Variants in CRMP1 observed in about 807,000 individuals in gnomAD.
The protein encoded by CRMP1 is collapsin response mediator protein 1, also known as dihydropyrimidinase-related protein 1.
CRMP1 carries 19 observed loss-of-function variants against 68.3 expected under a neutral mutation model. The ratio of observed to expected loss-of-function variants is 0.28; its 90% CI spans 0.19 to 0.41. The LOEUF is 0.41. CRMP1 is among the 10% of genes least tolerant of loss of function. CRMP1 has a pLI of 1.00. For missense variants in CRMP1, 791 were observed against 967.4 expected (o/e 0.82, Z 2.42); for synonymous variants, 439 against 399.6 (o/e 1.10, Z -1.18).
chr4:5,880,069 C>T (rs1420937148), intron 1 of CRMP1, among the ~76,000 whole-genome samples: 2 of 152,140 alleles, frequency 1.3e-5, no homozygotes, highest in African/African-American at 4.8e-5. Flanking sequence ...AAAAGTAAGG[C>T]ACAAGGCAGA....
Position 5,883,060 on chromosome 4 carries a change from T to G in CRMP1, c.381+9529A>C, listed in dbSNP as rs948578986. ...TCCTCTGATTCACCTGTGTGAAATA[T>G]TCCACCCACCTTGCATGCCCTTCCC... On this transcript the variant is annotated intron_variant, in intron 1 of 13. Coordinates refer to ENST00000324989, the MANE Select transcript of CRMP1 (RefSeq NM_001014809.3). The surrounding 1 kb of genome is among the most constrained non-coding windows in gnomAD (Gnocchi z 4.5). Among the ~76,000 whole-genome samples the G allele has an allele frequency of 6.6e-6, 1 of 152,142 alleles. No homozygotes were observed. The highest frequency in any genetic ancestry group is 2.4e-5 in the African/African-American group (1 of 41,438).
Position 5,821,698 on chromosome 4 carries a change from C to T in CRMP1, c.*62G>A. The stretch of plus-strand genomic sequence containing the variant: ...AAACTGTGGGTTTCAAAAACACTGA[C>T]AGGAAAAGGGATGGACATGATTCCC... On this transcript the variant is annotated 3_prime_UTR_variant, in exon 14 of 14. Transcript: ENST00000324989. This position sits in a 1 kb window ranked among gnomAD's most constrained non-coding sequence, Gnocchi z 4.4. 1 of 1,478,130 alleles carries T rather than the reference C, an allele frequency of 6.8e-7. No homozygotes were observed. Among genetic ancestry groups the T allele is most frequent in the Admixed American group, 2.0e-5 (1 of 49,860 alleles). The allele number at this position is 1,478,130 out of a possible 1,614,324, so 91.6% of individuals were successfully genotyped here.
At chr4:5,863,962 C>G (rs1713791115) in intron 2 of CRMP1, among the ~76,000 whole-genome samples, 1 of 152,172 alleles carries the variant, frequency 6.6e-6, no homozygotes, top group Non-Finnish European at 1.5e-5. Context: ...CGGAGTAGGA[C>G]TGCCAACACG....
chr4:5,869,665 C>T (rs868401670), intron 1 of CRMP1, among the ~76,000 whole-genome samples: 2 of 119,194 alleles, frequency 1.7e-5, no homozygotes, highest in Non-Finnish European at 3.3e-5. Flanking sequence ...GCCTGGGCAA[C>T]AGAGCAAGAC....
intron 1 of CRMP1, among the ~76,000 whole-genome samples, chr4:5,875,732 G>A (rs1249548228): frequency 2.3e-5 from 2 of 87,986 alleles, no homozygotes; most frequent in Non-Finnish European, 5.1e-5. Flanking sequence ...GCTGTCCGCG[G>A]TCCTGAATTG....
intron 11 of CRMP1, among the ~76,000 whole-genome samples, chr4:5,835,349 C>G (rs1252645777): frequency 1.3e-5 from 2 of 152,238 alleles, no homozygotes; most frequent in Non-Finnish European, 2.9e-5. Flanking sequence ...TCTCTGCATG[C>G]ACCCTCTCTG....
rs920964781 is a variant in CRMP1 at position 5,825,947 on chromosome 4, CAT to C, written c.1804-290_1804-289del. The stretch of plus-strand genomic sequence containing the variant: ...ACTCACATACATGCAGTCATGCACA[CAT>C]ATATGCATGCACATGCAGTAACAAA... On this transcript the variant is annotated intron_variant, in intron 12 of 13. Coordinates refer to ENST00000324989, the MANE Select transcript of CRMP1 (RefSeq NM_001014809.3). The surrounding 1 kb of genome is among the most constrained non-coding windows in gnomAD (Gnocchi z 4.4). 26 of 460,150 alleles carry C rather than the reference CAT, an allele frequency of 5.7e-5. No homozygotes were observed. Among genetic ancestry groups the C allele is most frequent in the Admixed American group, 4.1e-4 (9 of 22,112 alleles). The allele number at this position is 460,150 out of a possible 1,614,324, so 28.5% of individuals were successfully genotyped here.
chr4:5,874,575 C>G (rs1714679112), intron 1 of CRMP1, among the ~76,000 whole-genome samples: 1 of 152,128 alleles, frequency 6.6e-6, no homozygotes, highest in Admixed American at 6.5e-5. Flanking sequence ...CAGCCAGGAC[C>G]CTTACACAGT....
chr4:5,884,020 T>C (rs1308823835), intron 1 of CRMP1, among the ~76,000 whole-genome samples: 1 of 152,210 alleles, frequency 6.6e-6, no homozygotes, highest in East Asian at 1.9e-4. Context: ...TGGAGGGTGT[T>C]TGCTTCTCTG....
chr4:5,830,022 T>C (rs1347124713), intron 11 of CRMP1, among the ~76,000 whole-genome samples: 1 of 152,204 alleles, frequency 6.6e-6, no homozygotes, highest in East Asian at 1.9e-4. Context: ...TATCTATGTA[T>C]ATTAAACTCC....
In CRMP1 at chr4:5,828,624, G is replaced by A. The variant is rs1720059867; in HGVS notation, c.1668C>T (p.Ser556=). The A allele has an allele frequency of 6.2e-7, 1 of 1,614,212 alleles. No individual in the cohort carries two copies. Among genetic ancestry groups the A allele is most frequent in the East Asian group, 2.2e-5 (1 of 44,876 alleles). Residue 556 remains serine (S), a synonymous_variant, in exon 12 of 14, where the codon TCC becomes TCT. Coordinates refer to ENST00000324989, the MANE Select transcript of CRMP1 (RefSeq NM_001014809.3). The part of the protein sequence containing the change: ...NIFEGMECHG[S]PLVVISQGKI... ...TGCCCTGGCTGATGACCACTAGTGG[G>A]GAGCCGTGGCACTCCATACCCTCGA...
At chr4:5,822,616 G>A (rs536710898) in intron 13 of CRMP1, among the ~76,000 whole-genome samples, 6 of 152,266 alleles carry the variant, frequency 3.9e-5, no homozygotes, top group African/African-American at 1.4e-4. Flanking sequence ...AGTGCCTGGA[G>A]CTCAACAAAT....
In CRMP1 at chr4:5,892,724, C is replaced by A; in HGVS notation, c.246G>T (p.Glu82Asp). 1 of 1,229,738 alleles carries A rather than the reference C, an allele frequency of 8.1e-7. No individual in the cohort carries two copies. The highest frequency in any genetic ancestry group is 1.0e-6 in the Non-Finnish European group (1 of 985,860). The allele number at this position is 1,229,738 out of a possible 1,614,324, so 76.2% of individuals were successfully genotyped here. Reference sequence around the variant, plus strand: ...GCTCGCTCACGTCGCTGGCCGTGTCCTCGCTGCCTCCCGGCCCTGGCAGCC... The same window carrying A: ...GCTCGCTCACGTCGCTGGCCGTGTCATCGCTGCCTCCCGGCCCTGGCAGCC... ...AVGLPGPGGSEDTASDVSEPS... is the reference protein window; with the variant it reads ...AVGLPGPGGSDDTASDVSEPS... Residue 82 changes from glutamate (E) to aspartate (D), a missense_variant, in exon 1 of 14, where the codon GAG (glutamate) becomes GAT (aspartate). Physicochemically the swap from Glu to Asp is conservative, Grantham distance 45. Coordinates refer to ENST00000324989, the MANE Select transcript of CRMP1 (RefSeq NM_001014809.3). The surrounding 1 kb of genome is among the most constrained non-coding windows in gnomAD (Gnocchi z 8.6).
In CRMP1 at chr4:5,872,439, C is replaced by T. The variant is rs1174508800; in HGVS notation, c.382-5683G>A. ...CGGTGGCTCACGCCTGTAATCCCAG[C>T]ACTTTGGGAGGCCGAGGTTGGCGGA... On this transcript the variant is annotated intron_variant, in intron 1 of 13. Transcript: ENST00000324989. This position sits in a 1 kb window ranked among gnomAD's most constrained non-coding sequence, Gnocchi z 4.6. Among the ~76,000 whole-genome samples, 1 of 152,184 alleles carries T rather than the reference C, an allele frequency of 6.6e-6. No individual in the cohort carries two copies. The highest frequency in any genetic ancestry group is 1.5e-5 in the Non-Finnish European group (1 of 68,032).
At position 5,854,138 on chromosome 4, in the gene CRMP1, C is replaced by T. The variant is rs1479088276; in HGVS notation, c.820+2005G>A. 6.6e-6 allele frequency among the ~76,000 whole-genome samples: 1 copy of T among 152,200 alleles called. No homozygotes were observed. Among genetic ancestry groups the T allele is most frequent in the African/African-American group, 2.4e-5 (1 of 41,462 alleles). On this transcript the variant is annotated intron_variant, in intron 4 of 13. Transcript: ENST00000324989. This position sits in a 1 kb window ranked among gnomAD's most constrained non-coding sequence, Gnocchi z 4.0. ...TAAGGCGGCAACCTGGGGAAAATTGCTCAGAACTTAACATTAGGTAAGGAA... is the reference window on the plus strand; with the variant it reads ...TAAGGCGGCAACCTGGGGAAAATTGTTCAGAACTTAACATTAGGTAAGGAA...
chr4:5,837,684 A>AAATAAAATAAAATAAAATAC (rs1720821358), intron 9 of CRMP1, among the ~76,000 whole-genome samples: 1 of 150,366 alleles, frequency 6.7e-6, no homozygotes. Context: ...AAAATAAATA[A>AAATAAAATAAAATAAAATAC]AATAAAATAA....
chr4:5,839,288 G>A (rs1711523385), intron 9 of CRMP1, among the ~76,000 whole-genome samples: 1 of 152,328 alleles, frequency 6.6e-6, no homozygotes, highest in Admixed American at 6.5e-5. Context: ...TTAACAGTAG[G>A]TTGGCTCAAC....
chr4:5,844,347 A>C (rs1291349651), intron 6 of CRMP1, among the ~76,000 whole-genome samples: 1 of 74,704 alleles, frequency 1.3e-5, no homozygotes, highest in Non-Finnish European at 2.5e-5. Context: ...AGAGGAAGTA[A>C]GGAGGGGGAG....
In CRMP1 at chr4:5,889,082, C is replaced by A. The variant is rs1019203241; in HGVS notation, c.381+3507G>T. 2.0e-5 allele frequency among the ~76,000 whole-genome samples: 3 copies of A among 152,154 alleles called. No homozygotes were observed. Among genetic ancestry groups the A allele is most frequent in the Non-Finnish European group, 4.4e-5 (3 of 68,032 alleles). On this transcript the variant is annotated intron_variant, in intron 1 of 13. Transcript: ENST00000324989. This position sits in a 1 kb window ranked among gnomAD's most constrained non-coding sequence, Gnocchi z 4.5. Reference sequence around the variant, plus strand: ...ACAAAAGCCTGTCCACTCCCCTAGACCCATCTCCAATGCCTTCCCCACCAC... The same window carrying A: ...ACAAAAGCCTGTCCACTCCCCTAGAACCATCTCCAATGCCTTCCCCACCAC...
Sources: gnomAD v4.1 joint callset for allele counts (sites outside exome capture counted in the v4.1 genomes callset) on GRCh38, gnomAD v4.1.1 for gene constraint, Gnocchi (gnomAD v3.1) non-coding constraint, MANE v1.5 for transcripts, NCBI Gene and HGNC (gene_info 2026-07-23, HGNC 2026-07-21) for gene names.